Variants in AFG1L observed in about 807,000 individuals in gnomAD.
AFG1L encodes AFG1 like ATPase.
In AFG1L, 53 loss-of-function variants were observed where a neutral mutation model predicts 62.2. The observed-to-expected ratio is 0.85, with a 90% confidence interval of 0.68 to 1.07. AFG1L has a LOEUF of 1.07. Among genes scored for constraint, AFG1L ranks in the 50% least tolerant of loss-of-function variants. The pLI, the probability that AFG1L is intolerant of heterozygous loss-of-function variation, is 0.00. For synonymous variants in AFG1L, 228 were observed against 210.3 expected, an observed-to-expected ratio of 1.08 and a Z score of -0.73; for missense variants, 555 against 590.5, an observed-to-expected ratio of 0.94 and a Z score of 0.62.
At chr6:108,360,383 C>G (rs762738369) in intron 5 of AFG1L, among the ~76,000 whole-genome samples, 3 of 152,160 alleles carry the variant, frequency 2.0e-5, no homozygotes, top group Admixed American at 6.5e-5. Context: ...GATGACAAAA[C>G]AAGACAATAC....
At chr6:108,417,219 G>A (rs558932007) in intron 7 of AFG1L, among the ~76,000 whole-genome samples, 40 of 147,386 alleles carry the variant, frequency 2.7e-4, no homozygotes, top group East Asian at 1.2e-3. Context: ...GGGCGACAGA[G>A]CAAGACATTG....
chr6:108,519,533 C>G (rs1775039444), intron 11 of AFG1L, among the ~76,000 whole-genome samples, 164 bp from the exon 12 acceptor site: 1 of 152,088 alleles, frequency 6.6e-6, no homozygotes, highest in South Asian at 2.1e-4. Flanking sequence ...TTTTAAAACA[C>G]TGCTTTAAAG....
At chr6:108,295,375 T>C (rs934248234) in intron 1 of AFG1L, among the ~76,000 whole-genome samples, 157 bp downstream of exon 1, 3 of 152,220 alleles carry the variant, frequency 2.0e-5, no homozygotes, top group African/African-American at 4.8e-5. Flanking sequence ...CCTTTTATAC[T>C]GTCTGTGAAT....
At chr6:108,489,637 C>T (rs915203476) in intron 10 of AFG1L, among the ~76,000 whole-genome samples, 1 of 152,002 alleles carries the variant, frequency 6.6e-6, no homozygotes, top group Non-Finnish European at 1.5e-5. Context: ...AGAGATTGCA[C>T]GAAACAAGAT....
At chr6:108,406,957 T>C (rs1399883275) in intron 7 of AFG1L, among the ~76,000 whole-genome samples, 1 of 152,080 alleles carries the variant, frequency 6.6e-6, no homozygotes, top group Non-Finnish European at 1.5e-5. Context: ...TGAGCTGTGG[T>C]TTGGGGTGTG....
At chr6:108,464,629 G>A (rs1210107351) in intron 8 of AFG1L, among the ~76,000 whole-genome samples, 2 of 151,962 alleles carry the variant, frequency 1.3e-5, no homozygotes, top group Admixed American at 6.6e-5. Flanking sequence ...CTGCCCCTCC[G>A]CTGCAGTTTC....
chr6:108,413,260 A>C (rs978507637), intron 7 of AFG1L, among the ~76,000 whole-genome samples: 9 of 152,136 alleles, frequency 5.9e-5, no homozygotes, highest in South Asian at 2.1e-4. Flanking sequence ...CACCCAGATT[A>C]ATAAAGCAAG....
intron 7 of AFG1L, among the ~76,000 whole-genome samples, chr6:108,409,007 A>G (rs1781986365): frequency 6.6e-6 from 1 of 152,182 alleles, no homozygotes; most frequent in South Asian, 2.1e-4. Context: ...AGGGGATATA[A>G]CAGTTATACG....
chr6:108,310,481 G>A (rs1373989203), intron 1 of AFG1L, among the ~76,000 whole-genome samples: 1 of 151,546 alleles, frequency 6.6e-6, no homozygotes, highest in African/African-American at 2.4e-5. Flanking sequence ...TTGTTGAATT[G>A]TAAAAGTTCT....
intron 6 of AFG1L, among the ~76,000 whole-genome samples, chr6:108,400,779 GTT>G (rs1378101430): frequency 8.6e-6 from 1 of 116,462 alleles, no homozygotes; most frequent in Non-Finnish European, 1.7e-5. Flanking sequence ...TATAATATAT[GTT>G]ATATATAAAA....
intron 10 of AFG1L, among the ~76,000 whole-genome samples, chr6:108,499,796 A>T (rs1774117379): frequency 6.6e-6 from 1 of 151,998 alleles, no homozygotes; most frequent in Admixed American, 6.6e-5. Flanking sequence ...TTGAAGAGGA[A>T]TTTTTTTAAA....
At chr6:108,439,190 G>A (rs568610712) in intron 7 of AFG1L, among the ~76,000 whole-genome samples, 1 of 152,270 alleles carries the variant, frequency 6.6e-6, no homozygotes, top group East Asian at 1.9e-4. Flanking sequence ...GAAAAATTAC[G>A]TCTATGATCG....
At chr6:108,434,368 C>T (rs1771214968) in intron 7 of AFG1L, among the ~76,000 whole-genome samples, 1 of 152,178 alleles carries the variant, frequency 6.6e-6, no homozygotes, top group Admixed American at 6.5e-5. Context: ...TGATCCTCTC[C>T]CCCACTTGCT....
chr6:108,518,644 G>A (rs1582696602), intron 11 of AFG1L, among the ~76,000 whole-genome samples: 1 of 152,012 alleles, frequency 6.6e-6, no homozygotes, highest in African/African-American at 2.4e-5. Context: ...AAAACTTAAA[G>A]TATAATAATA....
intron 7 of AFG1L, among the ~76,000 whole-genome samples, chr6:108,431,085 A>G (rs1771048497): frequency 6.7e-6 from 1 of 149,230 alleles, no homozygotes; most frequent in Non-Finnish European, 1.5e-5. Context: ...CAATGTTGGT[A>G]CAGATTTTTA....
intron 10 of AFG1L, among the ~76,000 whole-genome samples, chr6:108,503,269 C>T (rs1774273666): frequency 1.3e-5 from 2 of 152,208 alleles, no homozygotes; most frequent in East Asian, 1.9e-4. Flanking sequence ...AGATCCATCA[C>T]AGGAATCGCT....
At chr6:108,502,922 C>T (rs1223674675) in intron 10 of AFG1L, among the ~76,000 whole-genome samples, 3 of 152,136 alleles carry the variant, frequency 2.0e-5, no homozygotes, top group African/African-American at 4.8e-5. Flanking sequence ...GTGTTCACAC[C>T]ATCTTCACCA....
chr6:108,446,811 C>G (rs562306103), intron 7 of AFG1L, among the ~76,000 whole-genome samples: 6 of 152,110 alleles, frequency 3.9e-5, no homozygotes, highest in Admixed American at 2.6e-4. Flanking sequence ...ACTCCCAGCT[C>G]TCTTATGCTG....
chr6:108,445,805 C>T (rs1208306546), intron 7 of AFG1L, among the ~76,000 whole-genome samples: 2 of 152,004 alleles, frequency 1.3e-5, no homozygotes, highest in African/African-American at 2.4e-5. Context: ...GATCACTGAT[C>T]ACATAATATG....
Sources: gnomAD v4.1 joint callset for allele counts (sites outside exome capture counted in the v4.1 genomes callset) on GRCh38, gnomAD v4.1.1 for gene constraint, MANE v1.5 for transcripts, NCBI Gene and HGNC (gene_info 2026-07-23, HGNC 2026-07-21) for gene names.